Variants in PLCB1 observed in about 807,000 individuals in gnomAD.
PLCB1 encodes the protein phospholipase C beta 1.
Under a neutral mutation model 161.8 loss-of-function variants are expected in PLCB1, and 46 were observed. The observed-to-expected ratio is 0.28, with a 90% CI of 0.22 to 0.36. The LOEUF (loss-of-function observed/expected upper bound fraction) is 0.36, where lower values mean the gene tolerates loss of function less well. PLCB1 is among the 10% of genes least tolerant of loss of function. The pLI, the probability that PLCB1 is intolerant of heterozygous loss-of-function variation, is 1.00. For missense variants in PLCB1, 1,016 were observed against 1,472.5 expected (o/e 0.69, Z 5.07); for synonymous variants, 517 against 503.7 (o/e 1.03, Z -0.35).
chr20:8,412,696 C>T, intron 3 of PLCB1, among the ~76,000 whole-genome samples: 1 of 152,030 alleles, frequency 6.6e-6, no homozygotes, highest in East Asian at 1.9e-4. Context: ...TGAAGGGCAA[C>T]TCATCAAGAT....
At chr20:8,668,234 T>C (rs1989862346) in intron 9 of PLCB1, among the ~76,000 whole-genome samples, 1 of 151,762 alleles carries the variant, frequency 6.6e-6, no homozygotes, top group African/African-American at 2.4e-5. Context: ...AAATGTACCA[T>C]AGTAGGGAAT....
In PLCB1 at chr20:8,227,697, A is replaced by G. The variant is rs6055671; in HGVS notation, c.177+77326A>G. 9.1e-3 allele frequency among the ~76,000 whole-genome samples: 1,393 copies of G among 152,302 alleles called. 24 individuals are homozygous for G. Among genetic ancestry groups the G allele is most frequent in the African/African-American group, 0.032 (1,332 of 41,570 alleles). On this transcript the variant is annotated intron_variant, in intron 2 of 31. Transcript: ENST00000338037. ...TCATTTCATTATGTACAGGTTGGCA[A>G]TCAAGAAAGAAAAATTCCCATAGGA...
Position 8,375,522 on chromosome 20 carries a change from CTG to C in PLCB1, c.246+4074_246+4075del, listed in dbSNP as rs1987043922. 2.6e-5 allele frequency among the ~76,000 whole-genome samples: 4 copies of C among 151,880 alleles called. No individual in the cohort carries two copies. In the South Asian group the frequency reaches 8.3e-4, roughly 31 times the overall value. ...TTTGAAACTTTTTTCATGTATGTGA[CTG>C]TATGTTCTGAGTCACAGCATAAAGT... On this transcript the variant is annotated intron_variant, in intron 3 of 31. Transcript: ENST00000338037.
At chr20:8,638,084 C>T (rs566725137) in intron 4 of PLCB1, among the ~76,000 whole-genome samples, 1 of 152,188 alleles carries the variant, frequency 6.6e-6, no homozygotes, top group Non-Finnish European at 1.5e-5. Context: ...TTAGTAGAGA[C>T]GGGGTTTCAC....
intron 3 of PLCB1, among the ~76,000 whole-genome samples, chr20:8,436,533 C>T (rs1980319537): frequency 6.6e-6 from 1 of 151,738 alleles, no homozygotes; most frequent in Admixed American, 6.6e-5. Flanking sequence ...TAACACCAAA[C>T]TCTCTTTTTT....
chr20:8,664,880 TC>T (rs1989770854), intron 9 of PLCB1, among the ~76,000 whole-genome samples: 1 of 152,170 alleles, frequency 6.6e-6, no homozygotes, highest in Admixed American at 6.5e-5. Context: ...TACTCATGGT[TC>T]CTGTGAAAGT....
chr20:8,802,674 T>A (rs1984342144), intron 31 of PLCB1, among the ~76,000 whole-genome samples: 1 of 152,174 alleles, frequency 6.6e-6, no homozygotes, highest in Non-Finnish European at 1.5e-5. Context: ...CCAGCAAAAT[T>A]TACTTTATTC....
At chr20:8,669,531 G>A (rs543982230) in intron 9 of PLCB1, among the ~76,000 whole-genome samples, 11 of 152,272 alleles carry the variant, frequency 7.2e-5, no homozygotes, top group South Asian at 2.1e-4. Flanking sequence ...TGACTTACTC[G>A]TTGGTTTATT....
chr20:8,628,560 C>T, intron 4 of PLCB1, 129 bp downstream of exon 4: 1 of 884,332 alleles, frequency 1.1e-6, no homozygotes. Context: ...AAAAATAATT[C>T]AGCTGCCAAG....
intron 31 of PLCB1, among the ~76,000 whole-genome samples, chr20:8,821,981 G>A (rs151115016): frequency 1.7e-3 from 262 of 151,648 alleles, no homozygotes; most frequent in African/African-American, 6.0e-3. Context: ...TGGTTCAAAT[G>A]TTTCTTTGCA....
At chr20:8,466,151 AT>A (rs948500444) in intron 3 of PLCB1, among the ~76,000 whole-genome samples, 9 of 151,870 alleles carry the variant, frequency 5.9e-5, no homozygotes, top group Admixed American at 1.3e-4. Context: ...GCCATAAAAA[AT>A]GATGAGTTCA....
At chr20:8,858,228 C>T (rs923043111) in intron 31 of PLCB1, among the ~76,000 whole-genome samples, 1 of 152,168 alleles carries the variant, frequency 6.6e-6, no homozygotes, top group Non-Finnish European at 1.5e-5. Context: ...CACACACACA[C>T]ACCACGGCCT....
intron 7 of PLCB1, chr20:8,652,608 G>A (rs1276516880): frequency 6.6e-6 from 1 of 152,050 alleles, no homozygotes; most frequent in African/African-American, 2.4e-5. Context: ...ATCATAGTTG[G>A]TTCTGCGTAA....
intron 2 of PLCB1, among the ~76,000 whole-genome samples, chr20:8,299,072 G>A (rs1983770375): frequency 6.6e-6 from 1 of 152,078 alleles, no homozygotes; most frequent in Non-Finnish European, 1.5e-5. Context: ...TAGCAAAAGA[G>A]AGACTGCAAA....
chr20:8,516,470 T>A (rs1984118694), intron 3 of PLCB1, among the ~76,000 whole-genome samples: 1 of 151,890 alleles, frequency 6.6e-6, no homozygotes, highest in Admixed American at 6.6e-5. Context: ...CAGAAATGAG[T>A]GATCATTTCA....
chr20:8,630,844 A>C (rs1337708823), intron 4 of PLCB1, among the ~76,000 whole-genome samples: 1 of 152,156 alleles, frequency 6.6e-6, no homozygotes, highest in Non-Finnish European at 1.5e-5. Context: ...GCCTTTGTGC[A>C]GTCCTATCTA....
At chr20:8,136,458 C>G (rs1025616932) in intron 1 of PLCB1, among the ~76,000 whole-genome samples, 1 of 152,074 alleles carries the variant, frequency 6.6e-6, no homozygotes, top group Non-Finnish European at 1.5e-5. Flanking sequence ...AACCCCCTCT[C>G]TACTAAAAAT....
At chr20:8,862,611 AT>A (rs569234584) in intron 31 of PLCB1, among the ~76,000 whole-genome samples, 13 of 152,150 alleles carry the variant, frequency 8.5e-5, no homozygotes, top group Non-Finnish European at 1.8e-4. Context: ...AAAGAAATTG[AT>A]TTTTTTAAAT....
At chr20:8,695,405 A>T (rs572126631) in intron 10 of PLCB1, among the ~76,000 whole-genome samples, 1 of 152,166 alleles carries the variant, frequency 6.6e-6, no homozygotes, top group African/African-American at 2.4e-5. Flanking sequence ...CTGGCTATTT[A>T]AAAAAATGAT....
Sources: gnomAD v4.1 joint callset for allele counts (sites outside exome capture counted in the v4.1 genomes callset) on GRCh38, gnomAD v4.1.1 for gene constraint, MANE v1.5 for transcripts, NCBI Gene and HGNC (gene_info 2026-07-23, HGNC 2026-07-21) for gene names.